The following DAP variants were observed in gnomAD, a reference collection of about 807,000 sequenced individuals.
DAP encodes the protein death-associated protein 1.
Under a neutral mutation model 13.8 loss-of-function variants are expected in DAP, and 8 were observed. The ratio of observed to expected loss-of-function variants is 0.58; its 90% CI spans 0.34 to 1.05. The LOEUF (loss-of-function observed/expected upper bound fraction) is 1.05, where lower values mean the gene tolerates loss of function less well. DAP is among the 50% of genes least tolerant of loss of function. The pLI is 0.03. For synonymous variants in DAP, 47 were observed against 47.5 expected (o/e 0.99, Z 0.04); for missense variants, 106 against 133.2 (o/e 0.80, Z 1.01).
At chr5:10,683,229 T>C in intron 3 of DAP, 1 of 469,676 alleles carries the variant, frequency 2.1e-6, no homozygotes, top group South Asian at 2.3e-5. Context: ...ACGGCAATAC[T>C]GTGGGGTTCA....
chr5:10,735,488 A>G (rs1383320517), intron 2 of DAP, among the ~76,000 whole-genome samples: 1 of 152,220 alleles, frequency 6.6e-6, no homozygotes, highest in Non-Finnish European at 1.5e-5. Context: ...AATACTGCTG[A>G]TTTCATCTTT....
At chr5:10,740,261 G>A (rs1020430942) in intron 2 of DAP, among the ~76,000 whole-genome samples, 9 of 152,118 alleles carry the variant, frequency 5.9e-5, no homozygotes, top group East Asian at 3.8e-4. Flanking sequence ...AAAAAGAGTC[G>A]GCGGCAGAGA....
chr5:10,738,326 G>A (rs758092714), intron 2 of DAP, among the ~76,000 whole-genome samples: 1 of 152,268 alleles, frequency 6.6e-6, no homozygotes, highest in Non-Finnish European at 1.5e-5. Context: ...ATTCCCCCAT[G>A]AGATATGTAT....
At chr5:10,726,361 C>A (rs528196273) in intron 2 of DAP, among the ~76,000 whole-genome samples, 2 of 152,334 alleles carry the variant, frequency 1.3e-5, no homozygotes, top group East Asian at 3.9e-4. Context: ...GTGTGTGTCT[C>A]AGATAAGTGC....
At chr5:10,684,553 G>A (rs1425283204) in intron 2 of DAP, among the ~76,000 whole-genome samples, 1 of 152,196 alleles carries the variant, frequency 6.6e-6, no homozygotes, top group East Asian at 1.9e-4. Context: ...CTGTTAACGT[G>A]GGGCTATCCT....
chr5:10,683,673 G>T, intron 2 of DAP, 102 bp from the exon 3 acceptor site: 1 of 1,114,742 alleles, frequency 9.0e-7, no homozygotes, highest in Non-Finnish European at 1.4e-6. Context: ...TGGAGGGCGT[G>T]GAGGCAGAAT....
In DAP at chr5:10,680,557, T is replaced by A. The variant is rs1366190342; in HGVS notation, c.*499A>T. 1 of 645,312 alleles carries A rather than the reference T, an allele frequency of 1.5e-6. No homozygotes were observed. The highest frequency in any genetic ancestry group is 2.6e-6 in the Non-Finnish European group (1 of 378,152). The allele number at this position is 645,312 out of a possible 1,614,324, so 40.0% of individuals were successfully genotyped here. A position where few individuals can be genotyped will look rare whatever the true frequency, so the allele number is the denominator to read the frequency against. ...TCTCACGAGAGAGGGAAATTTGGCA[T>A]TGCTGTTCCCTGCCTCTAAGGTCCT... On this transcript the variant is annotated 3_prime_UTR_variant, in exon 4 of 4. Coordinates refer to ENST00000230895, the MANE Select transcript of DAP (RefSeq NM_004394.3).
At chr5:10,745,847 G>T (rs541339888) in intron 2 of DAP, among the ~76,000 whole-genome samples, 1 of 152,242 alleles carries the variant, frequency 6.6e-6, no homozygotes, top group Non-Finnish European at 1.5e-5. Flanking sequence ...GAAACAGATG[G>T]TTATGAAGAA....
intron 2 of DAP, among the ~76,000 whole-genome samples, chr5:10,689,366 T>C (rs922838744): frequency 2.6e-5 from 4 of 152,132 alleles, no homozygotes; most frequent in African/African-American, 9.7e-5. Flanking sequence ...GCAGTAAGAA[T>C]GACCCTCCCC....
intron 2 of DAP, among the ~76,000 whole-genome samples, chr5:10,746,880 T>G (rs566113201): frequency 2.6e-4 from 39 of 152,294 alleles, no homozygotes; most frequent in African/African-American, 7.5e-4. Context: ...CACCACTTCC[T>G]CATGTGGGTG....
chr5:10,742,075 T>C (rs968430168), intron 2 of DAP, among the ~76,000 whole-genome samples: 3 of 152,242 alleles, frequency 2.0e-5, no homozygotes, highest in Non-Finnish European at 2.9e-5. Context: ...CTATAACAAT[T>C]ACTGTGCTGT....
chr5:10,754,874 G>T (rs747165749), intron 1 of DAP, among the ~76,000 whole-genome samples: 15 of 152,202 alleles, frequency 9.9e-5, no homozygotes, highest in Non-Finnish European at 1.5e-4. Flanking sequence ...CAATAGTATG[G>T]GGAAAAGTGA....
At chr5:10,703,378 C>A (rs959729433) in intron 2 of DAP, among the ~76,000 whole-genome samples, 1 of 152,132 alleles carries the variant, frequency 6.6e-6, no homozygotes, top group Non-Finnish European at 1.5e-5. Flanking sequence ...TGGGCTTCTA[C>A]AGAGTAGTTG....
In DAP at chr5:10,748,208, T is replaced by C. The variant is rs775106618; in HGVS notation, c.119A>G (p.Lys40Arg). Residue 40 changes from lysine (K) to arginine (R), a missense_variant, in exon 2 of 4, where the codon AAA (lysine) becomes AGA (arginine). Transcript: ENST00000230895. ...TTCCCATTCCTGGTCATCCTTGTCT[T>C]TCTCTTCTTTGGTGTCTCCTGTATG... is the stretch of plus-strand genomic sequence containing the variant. ...HPHTGDTKEE[K>R]DKDDQEWESP... is the part of the protein sequence containing the mutation. 2.5e-6 allele frequency: 4 copies of C among 1,614,012 alleles called. No homozygotes were observed. The highest frequency in any genetic ancestry group is 2.5e-6 in the Non-Finnish European group (3 of 1,179,956).
At chr5:10,687,905 C>CT (rs1199947263) in intron 2 of DAP, among the ~76,000 whole-genome samples, 8,282 of 110,548 alleles carry the variant, frequency 0.075, 499 homozygotes, top group African/African-American at 0.12. Context: ...TCATTGTTGT[C>CT]TTTTTTTTTT....
At chr5:10,728,413 C>T (rs928178890) in intron 2 of DAP, among the ~76,000 whole-genome samples, 24 of 152,108 alleles carry the variant, frequency 1.6e-4, no homozygotes, top group Non-Finnish European at 3.2e-4. Flanking sequence ...TTAGACTGAG[C>T]CCAAAGGATA....
chr5:10,689,112 T>C (rs1395870930), intron 2 of DAP, among the ~76,000 whole-genome samples: 1 of 152,142 alleles, frequency 6.6e-6, no homozygotes, highest in Non-Finnish European at 1.5e-5. Flanking sequence ...GCCTCGAGTA[T>C]GTACCCGGAG....
At chr5:10,736,911 C>T (rs547496239) in intron 2 of DAP, among the ~76,000 whole-genome samples, 1 of 152,388 alleles carries the variant, frequency 6.6e-6, no homozygotes, top group South Asian at 2.1e-4. Flanking sequence ...CAAACAGACA[C>T]TACATGTCAC....
At chr5:10,686,535 A>T (rs186684872) in intron 2 of DAP, among the ~76,000 whole-genome samples, 4 of 152,320 alleles carry the variant, frequency 2.6e-5, no homozygotes, top group Admixed American at 2.0e-4. Flanking sequence ...ATTATTGTTG[A>T]TATGGAGAAA....
Sources: allele counts gnomAD v4.1 joint callset (sites outside exome capture counted in the v4.1 genomes callset), GRCh38; gene constraint gnomAD v4.1.1; transcripts MANE v1.5; gene names NCBI Gene and HGNC (gene_info 2026-07-23, HGNC 2026-07-21).